The following PDS5A variants were observed in gnomAD, a reference collection of about 807,000 sequenced individuals.
PDS5A encodes PDS5 cohesin associated factor A.
In PDS5A, 42 loss-of-function variants were observed where a neutral mutation model predicts 167.1. That is an observed-to-expected ratio of 0.25 (90% CI 0.20 to 0.33). The LOEUF (loss-of-function observed/expected upper bound fraction) is 0.33, where lower values mean the gene tolerates loss of function less well. PDS5A is among the 10% of genes least tolerant of loss of function. The pLI, the probability that PDS5A is intolerant of heterozygous loss-of-function variation, is 1.00. For synonymous variants in PDS5A, 553 were observed against 554.6 expected (o/e 1.00, Z 0.04); for missense variants, 1,033 against 1,605.9 (o/e 0.64, Z 6.10).
chr4:39,842,403 A>G (rs1303290656), intron 30 of PDS5A, among the ~76,000 whole-genome samples: 1 of 152,220 alleles, frequency 6.6e-6, no homozygotes, highest in Non-Finnish European at 1.5e-5. Flanking sequence ...AAATAAAACT[A>G]CAGACCATAG....
intron 22 of PDS5A, among the ~76,000 whole-genome samples, chr4:39,867,759 CACACA>C (rs1560439896): frequency 1.3e-5 from 2 of 150,022 alleles, no homozygotes; most frequent in African/African-American, 5.0e-5. Context: ...CACACACACA[CACACA>C]CACACACACA....
chr4:39,876,733 CT>C (rs1720491258), intron 19 of PDS5A, among the ~76,000 whole-genome samples: 1 of 152,162 alleles, frequency 6.6e-6, no homozygotes, highest in Non-Finnish European at 1.5e-5. Flanking sequence ...TCTGTGATAA[CT>C]TTTGATTCTT....
At chr4:39,954,659 C>T (rs1578818110) in intron 2 of PDS5A, among the ~76,000 whole-genome samples, 1 of 70,100 alleles carries the variant, frequency 1.4e-5, no homozygotes, top group South Asian at 4.7e-4. Context: ...TACCCATTGT[C>T]AAGAGATAAG....
chr4:39,852,330 T>A (rs564038862), intron 26 of PDS5A, among the ~76,000 whole-genome samples: 11 of 152,336 alleles, frequency 7.2e-5, no homozygotes, highest in African/African-American at 2.4e-4. Context: ...GTCTCACTTC[T>A]GCATCCTCAA....
At chr4:39,931,720 G>A (rs1293106731) in intron 2 of PDS5A, among the ~76,000 whole-genome samples, 2 of 152,102 alleles carry the variant, frequency 1.3e-5, no homozygotes, top group Non-Finnish European at 2.9e-5. Context: ...ACCACAGCCT[G>A]TTCCGTTACT....
chr4:39,901,249 CTTTT>C (rs1307494056), intron 13 of PDS5A, among the ~76,000 whole-genome samples: 1 of 144,604 alleles, frequency 6.9e-6, no homozygotes, highest in Non-Finnish European at 1.5e-5. Context: ...AAATGACAGT[CTTTT>C]TTTCTTTTCT....
At chr4:39,910,722 C>T (rs920863617) in intron 9 of PDS5A, among the ~76,000 whole-genome samples, 6 of 152,148 alleles carry the variant, frequency 3.9e-5, no homozygotes, top group Non-Finnish European at 7.3e-5. Flanking sequence ...ATTCCAGGCA[C>T]GGTGGCTGAC....
At chr4:39,872,089 A>G (rs968814742) in intron 21 of PDS5A, among the ~76,000 whole-genome samples, 1 of 152,136 alleles carries the variant, frequency 6.6e-6, no homozygotes, top group Admixed American at 6.6e-5. Flanking sequence ...GAGGTAATAA[A>G]TCAGAGCACA....
rs1177466607 is a variant in PDS5A at position 39,907,893 on chromosome 4, T to G, written c.1233+502A>C. Among the ~76,000 whole-genome samples the G allele has an allele frequency of 2.0e-5, 3 of 152,312 alleles. No homozygotes were observed. In the South Asian group the frequency reaches 6.2e-4, roughly 32 times the overall value. On this transcript the variant is annotated intron_variant, in intron 11 of 32. Transcript: ENST00000303538. ...GAGCCACCGCGCCCGGCAATCCATT[T>G]TTTCAACTGCATCAAATGGAGAAAA...
rs532738160 is a variant in PDS5A at position 39,899,851 on chromosome 4, T to TAA, written c.1581+573_1581+574dup. Among the ~76,000 whole-genome samples the TAA allele has an allele frequency of 4.0e-4, 41 of 102,396 alleles. No homozygotes were observed. In the South Asian group the frequency reaches 4.2e-3, roughly 10 times the overall value. The allele number at this position is 102,396 out of a possible 152,430, so 67.2% of individuals were successfully genotyped here. On this transcript the variant is annotated intron_variant, in intron 14 of 32. Coordinates refer to ENST00000303538, the MANE Select transcript of PDS5A (RefSeq NM_001100399.2). Reference sequence around the variant, plus strand: ...GGCAACAGAGTAAGATCCTGTGTATTAAAAAAAAAAAAAAAAAAAAAAAAA... The same window carrying TAA: ...GGCAACAGAGTAAGATCCTGTGTATTAAAAAAAAAAAAAAAAAAAAAAAAAAA...
chr4:39,935,261 C>T (rs1292238199), intron 2 of PDS5A, among the ~76,000 whole-genome samples: 1 of 152,158 alleles, frequency 6.6e-6, no homozygotes, highest in African/African-American at 2.4e-5. Context: ...TGTGCACCAC[C>T]ACACCCAGCT....
chr4:39,946,850 T>C (rs888698498), intron 2 of PDS5A, among the ~76,000 whole-genome samples: 2 of 152,220 alleles, frequency 1.3e-5, no homozygotes, highest in African/African-American at 2.4e-5. Flanking sequence ...GAGGTGTGGA[T>C]TGCAGTGAGC....
At chr4:39,832,891 C>G (rs953221826) in intron 32 of PDS5A, among the ~76,000 whole-genome samples, 1 of 151,710 alleles carries the variant, frequency 6.6e-6, no homozygotes, top group Middle Eastern at 3.4e-3. Context: ...CGTGGTGGCT[C>G]ACGCCTGTAA....
At chr4:39,909,090 T>TAAAATA (rs1553900433) in intron 10 of PDS5A, among the ~76,000 whole-genome samples, 1 of 145,024 alleles carries the variant, frequency 6.9e-6, no homozygotes, top group Non-Finnish European at 1.5e-5. Flanking sequence ...TAAAATAAAA[T>TAAAATA]AAAATACTTC....
intron 17 of PDS5A, 51 bp from the exon 18 acceptor site, chr4:39,879,884 T>G (rs1720794544): frequency 6.0e-6 from 6 of 1,000,924 alleles, no homozygotes; most frequent in Non-Finnish European, 9.6e-6. Context: ...AGTAACTATA[T>G]CCTAATCACA....
intron 22 of PDS5A, among the ~76,000 whole-genome samples, chr4:39,868,094 A>T (rs1042354165): frequency 1.3e-5 from 2 of 152,214 alleles, no homozygotes; most frequent in African/African-American, 2.4e-5. Context: ...TTATCAAAGA[A>T]GATGATACAA....
chr4:39,867,095 C>A (rs751738574), intron 22 of PDS5A, 98 bp from the exon 23 acceptor site: 41 of 898,436 alleles, frequency 4.6e-5, no homozygotes, highest in Non-Finnish European at 6.5e-5. Flanking sequence ...TCATCTCCAT[C>A]AGCAGACATT....
chr4:39,843,321 G>C (rs975675309), intron 30 of PDS5A, among the ~76,000 whole-genome samples: 3 of 152,074 alleles, frequency 2.0e-5, no homozygotes, highest in Admixed American at 6.6e-5. Context: ...ACAGCCATAA[G>C]GCACTACACC....
intron 26 of PDS5A, among the ~76,000 whole-genome samples, chr4:39,853,021 C>T (rs1046744827): frequency 5.3e-5 from 8 of 152,204 alleles, no homozygotes; most frequent in Non-Finnish European, 1.2e-4. Flanking sequence ...TCAAGCAACG[C>T]TCCTGCCTCA....
Sources: gnomAD v4.1 joint callset for allele counts (sites outside exome capture counted in the v4.1 genomes callset) on GRCh38, gnomAD v4.1.1 for gene constraint, MANE v1.5 for transcripts, NCBI Gene and HGNC (gene_info 2026-07-23, HGNC 2026-07-21) for gene names.